Variants in ADAMTS17 observed in about 807,000 individuals in gnomAD.
The protein encoded by ADAMTS17 is A disintegrin and metalloproteinase with thrombospondin motifs 17.
ADAMTS17 carries 113 observed loss-of-function variants against 141.5 expected under a neutral mutation model. That is an observed-to-expected ratio of 0.80 (90% CI 0.69 to 0.93). The LOEUF is 0.93. Ranked by LOEUF, ADAMTS17 falls within the 40% of genes least tolerant of loss-of-function variation. The pLI, the probability that ADAMTS17 is intolerant of heterozygous loss-of-function variation, is 0.00. For synonymous variants in ADAMTS17, 768 were observed against 630.6 expected, an observed-to-expected ratio of 1.22 and a Z score of -3.27; for missense variants, 1,659 against 1,517.9, an observed-to-expected ratio of 1.09 and a Z score of -1.54.
At chr15:100,267,658 C>T (rs1041898987) in intron 4 of ADAMTS17, among the ~76,000 whole-genome samples, 2 of 150,864 alleles carry the variant, frequency 1.3e-5, no homozygotes, top group Non-Finnish European at 3.0e-5. Flanking sequence ...AGAGGTAGTT[C>T]CTCAGCCCTT....
intron 15 of ADAMTS17, among the ~76,000 whole-genome samples, chr15:100,059,454 T>C (rs1174644091): frequency 6.5e-5 from 7 of 107,780 alleles, no homozygotes; most frequent in African/African-American, 2.9e-4. Flanking sequence ...CCAGGAGGCA[T>C]AGGGGTTACT....
At chr15:100,235,474 G>T (rs1596332830) in intron 7 of ADAMTS17, among the ~76,000 whole-genome samples, 1 of 152,102 alleles carries the variant, frequency 6.6e-6, no homozygotes, top group East Asian at 1.9e-4. Flanking sequence ...CTCAGGTGCT[G>T]CCCACCAAGA....
In ADAMTS17 at chr15:100,127,164, G is replaced by A. The variant is rs572533192; in HGVS notation, c.1721+4843C>T. Among the ~76,000 whole-genome samples the A allele has an allele frequency of 3.3e-5, 5 of 152,208 alleles. No individual in the cohort carries two copies. In the South Asian group the frequency reaches 6.2e-4, roughly 19 times the overall value. Reference sequence around the variant, plus strand: ...AGGGGGCTGAACGGTGGGTCCCCTCGGCCTCAAAAGATAGTCCACTCGGAA... The same window carrying A: ...AGGGGGCTGAACGGTGGGTCCCCTCAGCCTCAAAAGATAGTCCACTCGGAA... On this transcript the variant is annotated intron_variant, in intron 12 of 21. Transcript: ENST00000268070.
intron 8 of ADAMTS17, among the ~76,000 whole-genome samples, chr15:100,163,305 T>C (rs148486646): frequency 1.1e-3 from 170 of 152,194 alleles, no homozygotes; most frequent in African/African-American, 3.6e-3. Context: ...AAGCGTGTGT[T>C]TGCTTGTGCA....
chr15:100,021,491 G>T (rs755297407), intron 18 of ADAMTS17, among the ~76,000 whole-genome samples: 6 of 152,118 alleles, frequency 3.9e-5, no homozygotes, highest in Non-Finnish European at 8.8e-5. Flanking sequence ...AAACAAACAT[G>T]TAATCTCTTT....
rs115933043 is a variant in ADAMTS17, at chr15:100,022,169, T to A, written c.2592-24580A>T. Among the ~76,000 whole-genome samples, 4 of 152,308 alleles carry A rather than the reference T, an allele frequency of 2.6e-5. No individual in the cohort carries two copies. In the East Asian group the frequency reaches 7.7e-4, roughly 29 times the overall value. On this transcript the variant is annotated intron_variant, in intron 18 of 21. Transcript: ENST00000268070. Reference sequence around the variant, plus strand: ...GTTTCTCACGTGGATGTGCCAACGATTGATCCTATATGGTCAATCTGTTAT... The same window carrying A: ...GTTTCTCACGTGGATGTGCCAACGAATGATCCTATATGGTCAATCTGTTAT...
At chr15:100,240,997 TG>T (rs2042811926) in intron 7 of ADAMTS17, among the ~76,000 whole-genome samples, 1 of 152,128 alleles carries the variant, frequency 6.6e-6, no homozygotes, top group East Asian at 1.9e-4. Flanking sequence ...ACCTATTTTT[TG>T]TATTTTTAGT....
intron 15 of ADAMTS17, among the ~76,000 whole-genome samples, chr15:100,083,940 G>C (rs2034916662): frequency 6.6e-6 from 1 of 151,956 alleles, no homozygotes; most frequent in South Asian, 2.1e-4. Flanking sequence ...GGTGATTTCT[G>C]CATTTCCAAC....
rs991652762 is a variant in ADAMTS17, at chr15:99,972,149, G to A, written c.*2253C>T. On this transcript the variant is annotated 3_prime_UTR_variant, in exon 22 of 22. Coordinates refer to ENST00000268070, the MANE Select transcript of ADAMTS17 (RefSeq NM_139057.4). ...GCCTGTAGTCCCAGCTACTGGGGAG[G>A]GTGAGGCAGAAGAATGGCCTGAACC... 5 of 152,372 alleles carry A rather than the reference G, an allele frequency of 3.3e-5. No individual in the cohort carries two copies. The highest frequency in any genetic ancestry group is 1.2e-4 in the African/African-American group (5 of 41,438). The allele number at this position is 152,372 out of a possible 1,614,324, so 9.4% of individuals were successfully genotyped here.
In ADAMTS17 at chr15:99,997,612, G is replaced by A. The variant is rs2141347337; in HGVS notation, c.2592-23C>T. 1 of 1,612,056 alleles carries A rather than the reference G, an allele frequency of 6.2e-7. No individual in the cohort carries two copies. The highest frequency in any genetic ancestry group is 8.5e-7 in the Non-Finnish European group (1 of 1,179,806). On this transcript the variant is annotated intron_variant, in intron 18 of 21. Transcript: ENST00000268070. This position sits in a 1 kb window ranked among gnomAD's most constrained non-coding sequence, Gnocchi z 4.7. ...CACCTGCCAGACGGGAGGAAAGAGA[G>A]AGAGAACGACTGGGTGAGAGGCCAG... is the stretch of plus-strand genomic sequence containing the variant.
At chr15:100,117,682 T>A (rs1567204051) in intron 12 of ADAMTS17, among the ~76,000 whole-genome samples, 2 of 152,094 alleles carry the variant, frequency 1.3e-5, no homozygotes, top group Admixed American at 1.3e-4. Context: ...AGTCCACATG[T>A]GTGAGGGCCT....
At chr15:100,205,541 C>T (rs1056276380) in intron 7 of ADAMTS17, among the ~76,000 whole-genome samples, 7 of 152,178 alleles carry the variant, frequency 4.6e-5, no homozygotes, top group Admixed American at 2.0e-4. Flanking sequence ...AGCAATGTAA[C>T]GTTTGTCAAA....
rs147993461 is a variant in ADAMTS17 at position 100,305,427 on chromosome 15, G to T, written c.617-24026C>A. Reference sequence around the variant, plus strand: ...ACTCAGGTCTTCAGATGGGTTTGCTGTATTTACTCAAATTCCAACGACAAG... The same window carrying T: ...ACTCAGGTCTTCAGATGGGTTTGCTTTATTTACTCAAATTCCAACGACAAG... On this transcript the variant is annotated intron_variant, in intron 3 of 21. Coordinates refer to ENST00000268070, the MANE Select transcript of ADAMTS17 (RefSeq NM_139057.4). Among the ~76,000 whole-genome samples, 639 of 152,338 alleles carry T rather than the reference G, an allele frequency of 4.2e-3. 3 individuals carry two copies. Among genetic ancestry groups the T allele is most frequent in the African/African-American group, 0.014 (593 of 41,570 alleles).
chr15:100,261,372 A>C (rs1237528953), intron 6 of ADAMTS17, 107 bp downstream of exon 6: 3 of 1,506,928 alleles, frequency 2.0e-6, no homozygotes, highest in Non-Finnish European at 1.8e-6. Context: ...CAGGTGGCCC[A>C]AGGTCTGATT....
chr15:100,312,742 A>T (rs1357279673), intron 3 of ADAMTS17, among the ~76,000 whole-genome samples: 1 of 152,178 alleles, frequency 6.6e-6, no homozygotes, highest in African/African-American at 2.4e-5. Flanking sequence ...TCCAAAACCA[A>T]GAGAGATTTT....
chr15:100,260,698 TA>T (rs1374834883), intron 6 of ADAMTS17, among the ~76,000 whole-genome samples: 1 of 151,752 alleles, frequency 6.6e-6, no homozygotes, highest in Admixed American at 6.6e-5. Flanking sequence ...AAGCTAAAGA[TA>T]CGATAAAGTT....
intron 18 of ADAMTS17, among the ~76,000 whole-genome samples, chr15:100,007,556 A>G (rs926164467): frequency 1.3e-5 from 2 of 151,640 alleles, no homozygotes; most frequent in Admixed American, 6.6e-5. Flanking sequence ...TGGTTGGAAG[A>G]CTCTTAAAGG....
chr15:100,080,251 TGGAA>T (rs1041118551), intron 15 of ADAMTS17, among the ~76,000 whole-genome samples: 3 of 152,144 alleles, frequency 2.0e-5, no homozygotes, highest in African/African-American at 7.2e-5. Flanking sequence ...TCCATTAAAC[TGGAA>T]GATTGGTACC....
At chr15:100,290,601 T>G in intron 3 of ADAMTS17, among the ~76,000 whole-genome samples, 1 of 152,042 alleles carries the variant, frequency 6.6e-6, no homozygotes, top group East Asian at 1.9e-4. Flanking sequence ...TTACCGGACT[T>G]TACATACTAC....
Sources: gnomAD v4.1 joint callset for allele counts (sites outside exome capture counted in the v4.1 genomes callset) on GRCh38, gnomAD v4.1.1 for gene constraint, Gnocchi (gnomAD v3.1) non-coding constraint, MANE v1.5 for transcripts, NCBI Gene and HGNC (gene_info 2026-07-23, HGNC 2026-07-21) for gene names.